ATP9B: variants seen among roughly 807,000 people sequenced by gnomAD.
ATP9B encodes ATPase phospholipid transporting 9B, also known as probable phospholipid-transporting ATPase IIB.
Under a neutral mutation model 146.1 loss-of-function variants are expected in ATP9B, and 110 were observed. That is an observed-to-expected ratio of 0.75 (90% CI 0.65 to 0.88). The LOEUF (loss-of-function observed/expected upper bound fraction) is 0.88, where lower values mean the gene tolerates loss of function less well. Among genes scored for constraint, ATP9B ranks in the 40% least tolerant of loss-of-function variants. The pLI, the probability that ATP9B is intolerant of heterozygous loss-of-function variation, is 0.00. For missense variants in ATP9B, 1,499 were observed against 1,496.4 expected (o/e 1.00, Z -0.03); for synonymous variants, 604 against 569.7 (o/e 1.06, Z -0.86).
At chr18:79,178,130 C>T (rs1247408943) in intron 8 of ATP9B, among the ~76,000 whole-genome samples, 1 of 152,088 alleles carries the variant, frequency 6.6e-6, no homozygotes, top group Non-Finnish European at 1.5e-5. Context: ...AGCAGCACCT[C>T]CTCACCTGAG....
At position 79,110,522 on chromosome 18, in the gene ATP9B, C is replaced by G. The variant is rs372786662; in HGVS notation, c.444+17C>G. On this transcript the variant is annotated intron_variant, in intron 3 of 29. Coordinates refer to ENST00000426216, the MANE Select transcript of ATP9B (RefSeq NM_198531.5). ...ATACCTGGGGTAAGACTATTGCATT[C>G]TTGGAGATGGGTTGTGTGTCAGAGA... The G allele has an allele frequency of 6.3e-7, 1 of 1,591,692 alleles. No homozygotes were observed. Among genetic ancestry groups the G allele is most frequent in the East Asian group, 2.3e-5 (1 of 44,302 alleles).
chr18:79,346,984 T>TG lies in ATP9B; in HGVS notation c.2683-784dup, dbSNP rs572237312. Among the ~76,000 whole-genome samples the TG allele has an allele frequency of 3.4e-3, 515 of 152,340 alleles. 1 individual carries two copies. The highest frequency in any genetic ancestry group is 0.012 in the African/African-American group (490 of 41,584). ...AGCCTAGCCCTCGGCGACTTGCTGT[T>TG]GGCGGACTGGCGTACAGGGAGGTGT... On this transcript the variant is annotated intron_variant, in intron 23 of 29. Transcript: ENST00000426216.
At chr18:79,070,924 C>T (rs1410561640) in intron 1 of ATP9B, among the ~76,000 whole-genome samples, 2 of 151,780 alleles carry the variant, frequency 1.3e-5, no homozygotes, top group Non-Finnish European at 2.9e-5. Context: ...TCAACTATGC[C>T]ATTCTCTTTT....
At chr18:79,073,731 ATTCTC>A (rs1034791244) in intron 1 of ATP9B, among the ~76,000 whole-genome samples, 33 of 152,218 alleles carry the variant, frequency 2.2e-4, no homozygotes, top group African/African-American at 8.0e-4. Flanking sequence ...TCTCCACTCT[ATTCTC>A]AATCTCATCC....
At chr18:79,190,655 C>T (rs552847133) in intron 8 of ATP9B, among the ~76,000 whole-genome samples, 18 of 152,136 alleles carry the variant, frequency 1.2e-4, no homozygotes, top group Non-Finnish European at 2.5e-4. Context: ...CCAGTTTTCT[C>T]CTGCTTTAGG....
chr18:79,078,950 C>T lies in ATP9B; in HGVS notation c.119+9421C>T, dbSNP rs113648983. Among the ~76,000 whole-genome samples the T allele has an allele frequency of 2.1e-3, 314 of 152,212 alleles. 3 individuals are homozygous for T. The highest frequency in any genetic ancestry group is 7.3e-3 in the African/African-American group (302 of 41,536). On this transcript the variant is annotated intron_variant, in intron 1 of 29. Coordinates refer to ENST00000426216, the MANE Select transcript of ATP9B (RefSeq NM_198531.5). ...TCTTGTGTTAGTTTGCTGAGAATGA[C>T]GGTTTCCAGCTTCGTCCATGTCCAC... is the stretch of plus-strand genomic sequence containing the variant.
chr18:79,334,232 C>T lies in ATP9B; in HGVS notation c.2029-2396C>T, dbSNP rs911394077. 3.3e-5 allele frequency among the ~76,000 whole-genome samples: 5 copies of T among 152,154 alleles called. No individual in the cohort carries two copies. The East Asian group carries it at 9.7e-4, about 30-fold the overall frequency. Reference sequence around the variant, plus strand: ...AAATAGACAGGGTGGTGGCAGGCGCCTGTAGTCCTAGCTGCTGGGGAGGCT... The same window carrying T: ...AAATAGACAGGGTGGTGGCAGGCGCTTGTAGTCCTAGCTGCTGGGGAGGCT... On this transcript the variant is annotated intron_variant, in intron 17 of 29. Coordinates refer to ENST00000426216, the MANE Select transcript of ATP9B (RefSeq NM_198531.5).
At chr18:79,278,009 A>C (rs2096332808) in intron 13 of ATP9B, among the ~76,000 whole-genome samples, 1 of 152,258 alleles carries the variant, frequency 6.6e-6, no homozygotes, top group Non-Finnish European at 1.5e-5. Flanking sequence ...TAAAATTCAT[A>C]ATGGAAGCTC....
intron 19 of ATP9B, among the ~76,000 whole-genome samples, chr18:79,338,257 A>C (rs535798737): frequency 6.6e-6 from 1 of 152,372 alleles, no homozygotes; most frequent in African/African-American, 2.4e-5. Flanking sequence ...CCCTGGGCTC[A>C]GCAGCAAGAG....
intron 7 of ATP9B, among the ~76,000 whole-genome samples, chr18:79,157,607 C>T (rs1430610303): frequency 6.6e-6 from 1 of 152,028 alleles, no homozygotes; most frequent in Admixed American, 6.5e-5. Context: ...CCATGAAACC[C>T]TGTGGGACTG....
At chr18:79,334,719 C>G (rs9960538) in intron 17 of ATP9B, among the ~76,000 whole-genome samples, 62,007 of 151,786 alleles carry the variant, frequency 0.41, 12,840 homozygotes, top group Middle Eastern at 0.54. Flanking sequence ...CAGCTAAGTC[C>G]TACACACGCC....
intron 12 of ATP9B, among the ~76,000 whole-genome samples, chr18:79,261,315 T>G (rs2096139067): frequency 6.6e-6 from 1 of 151,664 alleles, no homozygotes; most frequent in South Asian, 2.1e-4. Context: ...GAGAAAAGAG[T>G]CTTTGCAGTT....
chr18:79,259,338 C>A (rs1208534366), intron 12 of ATP9B, among the ~76,000 whole-genome samples: 1 of 152,194 alleles, frequency 6.6e-6, no homozygotes, highest in Non-Finnish European at 1.5e-5. Context: ...TTTATTAACT[C>A]TTTCGTCCGT....
chr18:79,205,849 T>C (rs975852403), intron 9 of ATP9B, among the ~76,000 whole-genome samples: 5 of 152,202 alleles, frequency 3.3e-5, no homozygotes, highest in African/African-American at 9.6e-5. Context: ...TACTGATGTG[T>C]GGCCATATTG....
chr18:79,287,809 A>G (rs2096460409), intron 13 of ATP9B, among the ~76,000 whole-genome samples: 1 of 150,676 alleles, frequency 6.6e-6, no homozygotes, highest in Non-Finnish European at 1.5e-5. Flanking sequence ...AGATTCTGGT[A>G]TGTTGTGTCT....
At chr18:79,318,110 C>T (rs1301625016) in intron 15 of ATP9B, among the ~76,000 whole-genome samples, 1 of 152,248 alleles carries the variant, frequency 6.6e-6, no homozygotes, top group Non-Finnish European at 1.5e-5. Context: ...GAGAGAAAGA[C>T]AGATCGCCCA....
At chr18:79,192,357 A>C (rs1474750073) in intron 8 of ATP9B, among the ~76,000 whole-genome samples, 3 of 152,172 alleles carry the variant, frequency 2.0e-5, no homozygotes, top group Non-Finnish European at 4.4e-5. Context: ...GGCGGGTCAC[A>C]AGACCACCCG....
chr18:79,160,782 T>C (rs2094867496), intron 7 of ATP9B, among the ~76,000 whole-genome samples: 1 of 152,172 alleles, frequency 6.6e-6, no homozygotes, highest in Admixed American at 6.6e-5. Context: ...GTTTGTTTTT[T>C]CTCTTTTTGG....
At chr18:79,237,049 C>T (rs1159938003) in intron 11 of ATP9B, among the ~76,000 whole-genome samples, 4 of 35,424 alleles carry the variant, frequency 1.1e-4, no homozygotes, top group Admixed American at 4.4e-4. Context: ...CCACACCTGC[C>T]CCTTCCCCCT....
Sources: allele counts gnomAD v4.1 joint callset (sites outside exome capture counted in the v4.1 genomes callset), GRCh38; gene constraint gnomAD v4.1.1; transcripts MANE v1.5; gene names NCBI Gene and HGNC (gene_info 2026-07-23, HGNC 2026-07-21).